TNFRSF11A: variants seen among roughly 807,000 people sequenced by gnomAD.
TNFRSF11A encodes TNF receptor superfamily member 11a, also known as tumor necrosis factor receptor superfamily member 11A.
A neutral mutation model predicts 55.7 loss-of-function variants in TNFRSF11A; 32 were observed. The observed-to-expected ratio is 0.57, with a 90% CI of 0.43 to 0.77. The LOEUF is 0.77. TNFRSF11A is among the 30% of genes least tolerant of loss of function. TNFRSF11A has a pLI of 0.00. For synonymous variants in TNFRSF11A, 311 were observed against 331.0 expected (o/e 0.94, Z 0.65); for missense variants, 753 against 809.8 (o/e 0.93, Z 0.85).
In TNFRSF11A at chr18:62,385,669, C is replaced by CCA. The variant is rs886054094; in HGVS notation, c.*635_*636insCA. 2 of 151,298 alleles carry CCA rather than the reference C, an allele frequency of 1.3e-5. No homozygotes were observed. The highest frequency in any genetic ancestry group is 2.4e-5 in the African/African-American group (1 of 41,188). 9.4% of individuals were successfully genotyped at this position (151,298 alleles called of 1,614,324 possible). On this transcript the variant is annotated 3_prime_UTR_variant, in exon 10 of 10. Transcript: ENST00000586569. The stretch of plus-strand genomic sequence containing the variant: ...AGCTTCCTCCCCCCGACTCCCCCCC[C>CCA]AGAGACACGGTCCCACCATGTTACC...
At chr18:62,379,951 C>T (rs554665502) in intron 9 of TNFRSF11A, among the ~76,000 whole-genome samples, 4 of 152,284 alleles carry the variant, frequency 2.6e-5, no homozygotes, top group East Asian at 3.9e-4. Context: ...ATGTCACTTC[C>T]GAAAACGGTA....
chr18:62,390,782 A>G lies in TNFRSF11A; in HGVS notation c.*5748A>G, dbSNP rs1241950651. ...CAATGACAAAGAAACCATTAAAATG[A>G]ATGTTTAAAGTTCTTAGAAGAGCTT... On this transcript the variant is annotated 3_prime_UTR_variant, in exon 10 of 10. Transcript: ENST00000586569. The G allele has an allele frequency of 6.6e-6, 1 of 152,212 alleles. No individual in the cohort carries two copies. The highest frequency in any genetic ancestry group is 1.5e-5 in the Non-Finnish European group (1 of 68,036). The allele number at this position is 152,212 out of a possible 1,614,324, so 9.4% of individuals were successfully genotyped here. A position where few individuals can be genotyped will look rare whatever the true frequency, so the allele number is the denominator to read the frequency against.
chr18:62,338,558 G>A lies in TNFRSF11A; in HGVS notation c.76-9610G>A, dbSNP rs74875190. Among the ~76,000 whole-genome samples the A allele has an allele frequency of 3.6e-4, 55 of 152,244 alleles. No individual in the cohort carries two copies. The East Asian group carries it at 7.7e-3, about 21-fold the overall frequency. Reference sequence around the variant, plus strand: ...GGAGACATTATGCTAAGCAAAATTCGCCAGACACAAAGGGAAAAATACTGT... The same window carrying A: ...GGAGACATTATGCTAAGCAAAATTCACCAGACACAAAGGGAAAAATACTGT... On this transcript the variant is annotated intron_variant, in intron 1 of 9. Coordinates refer to ENST00000586569, the MANE Select transcript of TNFRSF11A (RefSeq NM_003839.4).
intron 9 of TNFRSF11A, 48 bp from the exon 10 acceptor site, chr18:62,384,703 C>A: frequency 6.3e-7 from 1 of 1,595,668 alleles, no homozygotes; most frequent in East Asian, 2.3e-5. Flanking sequence ...GACCCTGCCT[C>A]CGGGCGCTGA....
intron 7 of TNFRSF11A, among the ~76,000 whole-genome samples, chr18:62,363,377 T>G (rs1909836259): frequency 6.8e-6 from 1 of 147,946 alleles, no homozygotes; most frequent in South Asian, 2.2e-4. Flanking sequence ...TTTTTTTTTT[T>G]TTTTTTTTTG....
In TNFRSF11A at chr18:62,388,485, C is replaced by T. The variant is rs1042724869; in HGVS notation, c.*3451C>T. On this transcript the variant is annotated 3_prime_UTR_variant, in exon 10 of 10. Coordinates refer to ENST00000586569, the MANE Select transcript of TNFRSF11A (RefSeq NM_003839.4). ...AATGAGAGGGTAGGGGGTGGACACA[C>T]AGAGGGGAAGATGGCCCCCTTGCCA... 2.0e-5 allele frequency: 3 copies of T among 152,298 alleles called. No homozygotes were observed. The highest frequency in any genetic ancestry group is 7.2e-5 in the African/African-American group (3 of 41,464). 9.4% of individuals were successfully genotyped at this position (152,298 alleles called of 1,614,324 possible).
chr18:62,375,846 A>T (rs547947062), intron 9 of TNFRSF11A, among the ~76,000 whole-genome samples: 9 of 152,250 alleles, frequency 5.9e-5, no homozygotes, highest in Non-Finnish European at 1.0e-4. Context: ...AAATTTAAAA[A>T]AAATTAGCCA....
In TNFRSF11A at chr18:62,383,108, C is replaced by G. The variant is rs1911410898; in HGVS notation, c.1568-1643C>G. Among the ~76,000 whole-genome samples the G allele has an allele frequency of 6.6e-6, 1 of 152,124 alleles. No homozygotes were observed. The highest frequency in any genetic ancestry group is 1.5e-5 in the Non-Finnish European group (1 of 68,026). ...GGTAAACAGGAATGCCAACGGGCCT[C>G]CCTCATGCTAATTGGGGGTTCTTAG... On this transcript the variant is annotated intron_variant, in intron 9 of 9. Transcript: ENST00000586569. The surrounding 1 kb of genome is among the most constrained non-coding windows in gnomAD (Gnocchi z 4.2).
intron 4 of TNFRSF11A, among the ~76,000 whole-genome samples, chr18:62,356,126 G>A (rs535632791): frequency 2.6e-5 from 4 of 152,326 alleles, no homozygotes; most frequent in African/African-American, 7.2e-5. Context: ...TATAACAAAA[G>A]CGTTTTTTTC....
chr18:62,328,705 G>A (rs12962830), intron 1 of TNFRSF11A, among the ~76,000 whole-genome samples: 49,265 of 152,052 alleles, frequency 0.32, 8,521 homozygotes, highest in African/African-American at 0.43. Flanking sequence ...CATCCCATCC[G>A]AGAGGGGAGA....
Position 62,369,425 on chromosome 18 carries a change from G to C in TNFRSF11A, c.1508G>C (p.Ser503Thr). The change falls in exon 9 of 10, where the codon AGC becomes ACC. Residue 503 changes from serine (S) to threonine (T), a missense_variant. Transcript: ENST00000586569. The part of the protein sequence containing the change: ...PEDGADGRLP[S>T]SARAGAGSGS... The stretch of plus-strand genomic sequence containing the variant: ...GATGGGGCTGATGGGAGGCTCCCAA[G>C]CTCAGCGAGGGCAGGTGCCGGGTCT... 6.2e-7 allele frequency: 1 copy of C among 1,611,218 alleles called. No individual in the cohort carries two copies. Among genetic ancestry groups the C allele is most frequent in the South Asian group, 1.1e-5 (1 of 91,090 alleles).
At chr18:62,366,372 G>C (rs546427939) in intron 7 of TNFRSF11A, among the ~76,000 whole-genome samples, 1 of 152,350 alleles carries the variant, frequency 6.6e-6, no homozygotes, top group South Asian at 2.1e-4. Flanking sequence ...ATGGGGAGAT[G>C]TGGGTCGGAG....
rs375738821 is a variant in TNFRSF11A, at chr18:62,351,989, G to A, written c.283+2052G>A. Among the ~76,000 whole-genome samples the A allele has an allele frequency of 7.4e-4, 112 of 152,280 alleles. 3 individuals are homozygous for A. In the South Asian group the frequency reaches 0.02, roughly 28 times the overall value. On this transcript the variant is annotated intron_variant, in intron 3 of 9. Transcript: ENST00000586569. ...CTTTTATATTTTTAGTAGAGAGGGC[G>A]TTTCACCGTGTGTCCAGGCTGGTCC...
At chr18:62,358,764 G>GT (rs1028694568) in intron 5 of TNFRSF11A, among the ~76,000 whole-genome samples, 2 of 151,884 alleles carry the variant, frequency 1.3e-5, no homozygotes, top group African/African-American at 2.4e-5. Flanking sequence ...ACATCGTGGG[G>GT]TTTTTTTTCA....
chr18:62,339,026 T>C (rs2046274540), intron 1 of TNFRSF11A, among the ~76,000 whole-genome samples: 1 of 152,208 alleles, frequency 6.6e-6, no homozygotes, highest in African/African-American at 2.4e-5. Flanking sequence ...TCTCCATCTC[T>C]GTTTCCTCCA....
At chr18:62,365,828 G>T (rs914033946) in intron 7 of TNFRSF11A, among the ~76,000 whole-genome samples, 4 of 151,476 alleles carry the variant, frequency 2.6e-5, no homozygotes, top group African/African-American at 9.7e-5. Flanking sequence ...TTATTTTTTG[G>T]TTTTTTTGAG....
At chr18:62,335,717 C>G (rs2046223103) in intron 1 of TNFRSF11A, among the ~76,000 whole-genome samples, 1 of 152,182 alleles carries the variant, frequency 6.6e-6, no homozygotes, top group South Asian at 2.1e-4. Context: ...CAACCCTCTT[C>G]CCTCAGGGTA....
At position 62,327,273 on chromosome 18, in the gene TNFRSF11A, G is replaced by A. The variant is rs558225461; in HGVS notation, c.75+1846G>A. Among the ~76,000 whole-genome samples the A allele has an allele frequency of 3.2e-4, 49 of 152,166 alleles. 1 individual carries two copies. Among genetic ancestry groups the A allele is most frequent in the Non-Finnish European group, 1.8e-4 (12 of 68,036 alleles). On this transcript the variant is annotated intron_variant, in intron 1 of 9. Coordinates refer to ENST00000586569, the MANE Select transcript of TNFRSF11A (RefSeq NM_003839.4). ...GCGGAGATTTGAGACATTTGAGTTCGTTTTGGAGGATCTTTCTTTGGGCAG... is the reference window on the plus strand; with the variant it reads ...GCGGAGATTTGAGACATTTGAGTTCATTTTGGAGGATCTTTCTTTGGGCAG...
Position 62,348,182 on chromosome 18 carries a change from C to A in TNFRSF11A, c.90C>A (p.Ile30=). 1 of 1,613,822 alleles carries A rather than the reference C, an allele frequency of 6.2e-7. No individual in the cohort carries two copies. Among genetic ancestry groups the A allele is most frequent in the Admixed American group, 1.7e-5 (1 of 59,984 alleles). Residue 30 remains isoleucine, a synonymous_variant, in exon 2 of 10, where the codon ATC becomes ATA. Coordinates refer to ENST00000586569, the MANE Select transcript of TNFRSF11A (RefSeq NM_003839.4). The part of the protein sequence containing the change: ...LLARLQVALQ[I]APPCTSEKHY... ...GTTCTTTTCAGGTGGCTTTGCAGAT[C>A]GCTCCTCCATGTACCAGTGAGAAGC...
Sources: gnomAD v4.1 joint callset for allele counts (sites outside exome capture counted in the v4.1 genomes callset) on GRCh38, gnomAD v4.1.1 for gene constraint, Gnocchi (gnomAD v3.1) non-coding constraint, MANE v1.5 for transcripts, NCBI Gene and HGNC (gene_info 2026-07-23, HGNC 2026-07-21) for gene names.